TANC1: variants seen among roughly 807,000 people sequenced by gnomAD.
TANC1 encodes the protein tetratricopeptide repeat, ankyrin repeat and coiled-coil containing 1, also known as protein TANC1.
In TANC1, 77 loss-of-function variants were observed where a neutral mutation model predicts 149.7. The ratio of observed to expected loss-of-function variants is 0.51; its 90% CI spans 0.43 to 0.62. The LOEUF (loss-of-function observed/expected upper bound fraction) is 0.62. Ranked by LOEUF, TANC1 falls within the 20% of genes least tolerant of loss-of-function variation. The pLI is 0.00. For synonymous variants in TANC1, 854 were observed against 925.0 expected, an observed-to-expected ratio of 0.92 and a Z score of 1.39; for missense variants, 1,985 against 2,321.8, an observed-to-expected ratio of 0.85 and a Z score of 2.98.
chr2:159,025,010 C>T (rs1194764759), intron 2 of TANC1, among the ~76,000 whole-genome samples: 1 of 152,154 alleles, frequency 6.6e-6, no homozygotes. Context: ...ACCTTCCATC[C>T]TCTATCCCCA....
At chr2:159,216,620 G>C (rs944739038) in intron 19 of TANC1, among the ~76,000 whole-genome samples, 1 of 152,164 alleles carries the variant, frequency 6.6e-6, no homozygotes, top group Non-Finnish European at 1.5e-5. Context: ...CCAGGCTGAC[G>C]GGAGGGTGTC....
chr2:159,128,775 C>T (rs1349592301), intron 4 of TANC1, among the ~76,000 whole-genome samples: 1 of 152,140 alleles, frequency 6.6e-6, no homozygotes, highest in African/African-American at 2.4e-5. Context: ...TGACCAAGCA[C>T]TCTTTTGTTG....
chr2:159,136,047 T>TGTGTGTGTGTGTGTGC (rs1457762905), intron 4 of TANC1, 147 bp from the exon 5 acceptor site: 3,747 of 211,064 alleles, frequency 0.018, 470 homozygotes, highest in Non-Finnish European at 0.019. Context: ...TGTGTGTGTG[T>TGTGTGTGTGTGTGTGC]GTGCGCGCGC....
chr2:159,066,932 T>C (rs1273135215), intron 3 of TANC1, among the ~76,000 whole-genome samples: 1 of 152,228 alleles, frequency 6.6e-6, no homozygotes, highest in Non-Finnish European at 1.5e-5. Context: ...ATTGTCTACC[T>C]GTATTGCACA....
intron 25 of TANC1, chr2:159,228,553 C>T (rs946987087): frequency 1.1e-5 from 5 of 471,816 alleles, no homozygotes; most frequent in Middle Eastern, 5.8e-4. Context: ...TGTGAGGTTC[C>T]ACCATCTGGC....
Position 159,059,406 on chromosome 2 carries a change from T to C in TANC1, c.-15-6490T>C, listed in dbSNP as rs558153672. 1.6e-4 allele frequency among the ~76,000 whole-genome samples: 24 copies of C among 151,912 alleles called. 1 individual carries two copies. In the South Asian group the frequency reaches 4.2e-3, roughly 26 times the overall value. On this transcript the variant is annotated intron_variant, in intron 2 of 26. Transcript: ENST00000263635. ...GTCCCAGCTACTCTGGAGGCTGAGA[T>C]GGGAAGATAGCCTGAGCCTGAGAAG...
Position 159,186,993 on chromosome 2 carries a change from C to T in TANC1, c.2711C>T (p.Ser904Phe), listed in dbSNP as rs1358415182. The change falls in exon 16 of 27, where the codon TCT (serine) becomes TTT (phenylalanine). Residue 904 changes from serine (S) to phenylalanine (F), a missense_variant. Physicochemically the swap from Ser to Phe is radical, Grantham distance 155. Transcript: ENST00000263635. The stretch of plus-strand genomic sequence containing the variant: ...GAGGGGCTGTCCGCCGCCCTGGCCT[C>T]TCTCAGGAATCTCTATACTCCCAAC... Reference protein sequence around the residue: ...STEGLSAALASLRNLYTPNVK... With the variant: ...STEGLSAALAFLRNLYTPNVK... 3.7e-6 allele frequency: 6 copies of T among 1,614,128 alleles called. No homozygotes were observed. The highest frequency in any genetic ancestry group is 5.1e-6 in the Non-Finnish European group (6 of 1,180,048).
chr2:158,973,984 G>A (rs1489668515), intron 1 of TANC1, among the ~76,000 whole-genome samples: 1 of 152,188 alleles, frequency 6.6e-6, no homozygotes, highest in Non-Finnish European at 1.5e-5. Context: ...CTTGGGATAA[G>A]TAACATTAAT....
intron 4 of TANC1, among the ~76,000 whole-genome samples, chr2:159,109,460 G>A (rs1481714076): frequency 1.3e-5 from 2 of 152,182 alleles, no homozygotes; most frequent in African/African-American, 2.4e-5. Flanking sequence ...TCAGGAGGGT[G>A]GAACCTCCAT....
chr2:159,056,247 G>T, intron 2 of TANC1: 1 of 231,412 alleles, frequency 4.3e-6, no homozygotes, highest in Non-Finnish European at 9.0e-6. Context: ...ATGGAGAATT[G>T]TTTCAGTTGT....
chr2:159,018,936 T>C (rs933083998), intron 2 of TANC1, among the ~76,000 whole-genome samples: 1 of 152,256 alleles, frequency 6.6e-6, no homozygotes, highest in African/African-American at 2.4e-5. Context: ...TTCTCGGGCA[T>C]GAAGGTAGTA....
intron 1 of TANC1, among the ~76,000 whole-genome samples, chr2:158,997,859 C>T (rs1422933046): frequency 6.6e-6 from 1 of 152,166 alleles, no homozygotes; most frequent in East Asian, 1.9e-4. Context: ...CTCCCTACAC[C>T]TTGAGTGTGG....
intron 14 of TANC1, among the ~76,000 whole-genome samples, chr2:159,182,288 CT>C (rs200483233): frequency 0.024 from 3,604 of 150,554 alleles, 136 homozygotes; most frequent in African/African-American, 0.082. Flanking sequence ...CATCTGTTTC[CT>C]TTTTTTTTGT....
chr2:159,205,133 T>C (rs1226019261), intron 19 of TANC1, among the ~76,000 whole-genome samples: 1 of 152,218 alleles, frequency 6.6e-6, no homozygotes, highest in East Asian at 1.9e-4. Context: ...TTTGACACTT[T>C]GATGATTTTC....
Position 159,126,764 on chromosome 2 carries a change from T to C in TANC1, c.260-9430T>C, listed in dbSNP as rs564752628. ...CATATCCCAGCTTATGTTGAAGTGT[T>C]TTGAAATAAAATTCAAATGATATAG... On this transcript the variant is annotated intron_variant, in intron 4 of 26. Coordinates refer to ENST00000263635, the MANE Select transcript of TANC1 (RefSeq NM_033394.3). Among the ~76,000 whole-genome samples, 5 of 152,360 alleles carry C rather than the reference T, an allele frequency of 3.3e-5. No individual in the cohort carries two copies. In the South Asian group the frequency reaches 1.0e-3, roughly 32 times the overall value.
At chr2:158,989,769 C>T (rs1428079461) in intron 1 of TANC1, among the ~76,000 whole-genome samples, 1 of 152,164 alleles carries the variant, frequency 6.6e-6, no homozygotes, top group Non-Finnish European at 1.5e-5. Flanking sequence ...TTTGACTTAG[C>T]TTTCAGCATC....
chr2:159,059,888 T>TTGTGTGTGTGTGTGTGTGTGTGTG (rs140659801), intron 2 of TANC1, among the ~76,000 whole-genome samples: 3 of 114,804 alleles, frequency 2.6e-5, no homozygotes, highest in Non-Finnish European at 5.4e-5. Flanking sequence ...GCAGACCTCT[T>TTGTGTGTGTGTGTGTGTGTGTGTG]TGTGTGTGTG....
chr2:159,170,827 T>G, intron 10 of TANC1, 22 bp downstream of exon 10: 1 of 1,607,546 alleles, frequency 6.2e-7, no homozygotes, highest in South Asian at 1.1e-5. Context: ...TTTAATTACT[T>G]GTCTAGTTTA....
intron 2 of TANC1, among the ~76,000 whole-genome samples, chr2:159,047,589 G>C (rs1356885388): frequency 1.3e-5 from 2 of 152,160 alleles, no homozygotes; most frequent in African/African-American, 2.4e-5. Context: ...AAACTCAAAA[G>C]AATGCAACAG....
Sources: allele counts gnomAD v4.1 joint callset (sites outside exome capture counted in the v4.1 genomes callset), GRCh38; gene constraint gnomAD v4.1.1; transcripts MANE v1.5; gene names NCBI Gene and HGNC (gene_info 2026-07-23, HGNC 2026-07-21).